Variants in HMOX2 observed in about 807,000 individuals in gnomAD.
HMOX2 encodes the protein heme oxygenase 2.
In HMOX2, 30 loss-of-function variants were observed where a neutral mutation model predicts 33.7. That is an observed-to-expected ratio of 0.89 (90% CI 0.67 to 1.21). The LOEUF is 1.21. Among genes scored for constraint, HMOX2 ranks in the 50% most tolerant of loss-of-function variants. The probability of loss-of-function intolerance (pLI) is 0.00; values close to 1 mark genes in which losing one functional copy is unlikely to be tolerated. For synonymous variants in HMOX2, 155 were observed against 155.0 expected (o/e 1.00, Z 0.00); for missense variants, 403 against 399.1 (o/e 1.01, Z -0.08).
intron 1 of HMOX2, among the ~76,000 whole-genome samples, chr16:4,490,902 TGTG>T (rs1299430364): frequency 6.6e-6 from 1 of 152,158 alleles, no homozygotes; most frequent in African/African-American, 2.4e-5. Context: ...CTAGATTGTT[TGTG>T]GTGGTGGGGT....
intron 1 of HMOX2, among the ~76,000 whole-genome samples, chr16:4,483,959 G>A (rs2058097352): frequency 6.9e-6 from 1 of 144,962 alleles, no homozygotes; most frequent in Non-Finnish European, 1.5e-5. Context: ...TCACACCCGT[G>A]CATATGCCCA....
At chr16:4,491,107 A>T (rs112842432) in intron 1 of HMOX2, among the ~76,000 whole-genome samples, 91 of 152,352 alleles carry the variant, frequency 6.0e-4, no homozygotes, top group African/African-American at 2.1e-3. Context: ...CAGTGGAGAA[A>T]CACTGGATTG....
chr16:4,478,676 A>C (rs2057935985), intron 1 of HMOX2, among the ~76,000 whole-genome samples: 1 of 151,922 alleles, frequency 6.6e-6, no homozygotes, highest in Admixed American at 6.6e-5. Context: ...GAGGCAGGAG[A>C]ATCACTTGAA....
chr16:4,487,731 C>T (rs549987865), intron 1 of HMOX2, among the ~76,000 whole-genome samples: 4 of 150,248 alleles, frequency 2.7e-5, no homozygotes, highest in South Asian at 2.1e-4. Context: ...ACCCGGGAGG[C>T]GGAGGTTGCA....
chr16:4,488,935 C>T (rs2058241424), intron 1 of HMOX2, among the ~76,000 whole-genome samples: 1 of 151,874 alleles, frequency 6.6e-6, no homozygotes, highest in African/African-American at 2.4e-5. Context: ...AAGCAATCCT[C>T]CTGCCTAGGA....
intron 1 of HMOX2, among the ~76,000 whole-genome samples, chr16:4,498,531 C>T (rs563950465): frequency 1.1e-4 from 16 of 152,132 alleles, no homozygotes; most frequent in African/African-American, 3.1e-4. Context: ...TGTGTCACCA[C>T]GCCTGGCTAA....
chr16:4,507,680 G>A (rs1471094951), intron 3 of HMOX2, 33 bp from the exon 4 acceptor site: 1 of 1,601,084 alleles, frequency 6.2e-7, no homozygotes, highest in Non-Finnish European at 8.5e-7. Flanking sequence ...GGTGTGCTCA[G>A]GCATAGCTGG....
At chr16:4,503,254 T>G (rs976304277) in intron 1 of HMOX2, among the ~76,000 whole-genome samples, 1 of 152,330 alleles carries the variant, frequency 6.6e-6, no homozygotes, top group Admixed American at 6.5e-5. Context: ...GGCAGCCTTA[T>G]GCTATCTCTG....
At chr16:4,481,360 A>AAG (rs1555495888) in intron 1 of HMOX2, among the ~76,000 whole-genome samples, 1 of 151,918 alleles carries the variant, frequency 6.6e-6, no homozygotes, top group African/African-American at 2.4e-5. Flanking sequence ...AAAAAAAAAA[A>AAG]AAAAAGAAAA....
rs1288283241 is a variant in HMOX2, at chr16:4,509,808, C to A, written c.*52C>A. 2 of 1,570,164 alleles carry A rather than the reference C, an allele frequency of 1.3e-6. No homozygotes were observed. Among genetic ancestry groups the A allele is most frequent in the South Asian group, 2.3e-5 (2 of 88,152 alleles). ...CTCCTCCCGACTGACCACTGGCCTA[C>A]CCCTTTCTCCAGCCCTGACTAAACT... On this transcript the variant is annotated 3_prime_UTR_variant, in exon 6 of 6. Transcript: ENST00000570646.
At chr16:4,482,746 G>A (rs1320975383) in intron 1 of HMOX2, among the ~76,000 whole-genome samples, 1 of 152,186 alleles carries the variant, frequency 6.6e-6, no homozygotes, top group East Asian at 1.9e-4. Flanking sequence ...GGATACAGAT[G>A]GCTGGGCGTG....
chr16:4,488,682 C>CA (rs936980527), intron 1 of HMOX2: 1 of 152,494 alleles, frequency 6.6e-6, no homozygotes, highest in African/African-American at 2.4e-5. Context: ...CTATGAAACC[C>CA]AGACTCTAAG....
intron 3 of HMOX2, 96 bp downstream of exon 3, chr16:4,507,108 A>C: frequency 1.3e-6 from 1 of 789,506 alleles, no homozygotes; most frequent in Non-Finnish European, 2.3e-6. Context: ...CTCTGAGGGA[A>C]AAGCTGGGCT....
At chr16:4,509,152 A>C (rs1374075484) in intron 4 of HMOX2, among the ~76,000 whole-genome samples, 2 of 152,172 alleles carry the variant, frequency 1.3e-5, no homozygotes, top group African/African-American at 4.8e-5. Context: ...CAGGAGTTGA[A>C]GACCAGCCTG....
At chr16:4,480,913 C>T (rs1241256842) in intron 1 of HMOX2, among the ~76,000 whole-genome samples, 1 of 151,556 alleles carries the variant, frequency 6.6e-6, no homozygotes, top group Non-Finnish European at 1.5e-5. Context: ...CTCGGCCTCC[C>T]AAAGCATTGG....
chr16:4,504,917 A>G (rs1414977961), intron 1 of HMOX2, among the ~76,000 whole-genome samples: 2 of 148,634 alleles, frequency 1.3e-5, no homozygotes, highest in Admixed American at 1.3e-4. Context: ...CTCAAACTCC[A>G]GTCTGCCTCG....
At chr16:4,477,953 A>T (rs1160304449) in intron 1 of HMOX2, among the ~76,000 whole-genome samples, 9 of 152,058 alleles carry the variant, frequency 5.9e-5, no homozygotes, top group Admixed American at 4.6e-4. Context: ...CACAAGACAA[A>T]ATTTGTGCTT....
intron 1 of HMOX2, among the ~76,000 whole-genome samples, chr16:4,503,861 G>C (rs749955284): frequency 1.3e-5 from 2 of 152,216 alleles, no homozygotes; most frequent in Non-Finnish European, 2.9e-5. Context: ...TTTCTGGGTA[G>C]AGCACATAGA....
chr16:4,479,133 A>T (rs1252011058), intron 1 of HMOX2, among the ~76,000 whole-genome samples: 3 of 149,944 alleles, frequency 2.0e-5, no homozygotes, highest in African/African-American at 7.6e-5. Flanking sequence ...CCTGGGCGAC[A>T]AGAGCAAAAC....
Sources: gnomAD v4.1 joint callset for allele counts (sites outside exome capture counted in the v4.1 genomes callset) on GRCh38, gnomAD v4.1.1 for gene constraint, MANE v1.5 for transcripts, NCBI Gene and HGNC (gene_info 2026-07-23, HGNC 2026-07-21) for gene names.